The following DAB2IP variants were observed in gnomAD, a reference collection of about 807,000 sequenced individuals.
The protein encoded by DAB2IP is DAB2 interacting protein, also known as disabled homolog 2-interacting protein.
DAB2IP carries 28 observed loss-of-function variants against 107.2 expected under a neutral mutation model. The observed-to-expected ratio is 0.26, with a 90% confidence interval of 0.19 to 0.36. The LOEUF (loss-of-function observed/expected upper bound fraction) is 0.36, where lower values mean the gene tolerates loss of function less well. Ranked by LOEUF, DAB2IP falls within the 10% of genes least tolerant of loss-of-function variation. The pLI, the probability that DAB2IP is intolerant of heterozygous loss-of-function variation, is 1.00. For synonymous variants in DAB2IP, 755 were observed against 706.4 expected (o/e 1.07, Z -1.09); for missense variants, 1,400 against 1,644.7 (o/e 0.85, Z 2.57).
chr9:121,595,957 C>T (rs545276437), intron 1 of DAB2IP, among the ~76,000 whole-genome samples: 8 of 152,098 alleles, frequency 5.3e-5, no homozygotes, highest in East Asian at 1.9e-4. Flanking sequence ...GAGGCTGGGG[C>T]GGGAGGATCG....
At chr9:121,715,150 TTAGC>T (rs1415661422) in intron 3 of DAB2IP, among the ~76,000 whole-genome samples, 1 of 152,038 alleles carries the variant, frequency 6.6e-6, no homozygotes, top group Non-Finnish European at 1.5e-5. Context: ...GGGTGTCTCT[TTAGC>T]TAGGGTTAAG....
At chr9:121,613,285 AC>A (rs998833142) in intron 1 of DAB2IP, among the ~76,000 whole-genome samples, 9 of 151,930 alleles carry the variant, frequency 5.9e-5, no homozygotes, top group African/African-American at 1.9e-4. Flanking sequence ...GACCCACCTT[AC>A]CCCGACCTGA....
At chr9:121,612,712 A>C (rs965370206) in intron 1 of DAB2IP, among the ~76,000 whole-genome samples, 2 of 152,132 alleles carry the variant, frequency 1.3e-5, no homozygotes, top group African/African-American at 4.8e-5. Flanking sequence ...AAATTGGTGA[A>C]GTTGCTGTAG....
chr9:121,776,241 A>C lies in DAB2IP; in HGVS notation c.3164A>C (p.Lys1055Thr). The C allele has an allele frequency of 6.3e-7, 1 of 1,585,938 alleles. No individual in the cohort carries two copies. Among genetic ancestry groups the C allele is most frequent in the Admixed American group, 1.8e-5 (1 of 55,278 alleles). The change falls in exon 14 of 16, where the codon AAG (lysine) becomes ACG (threonine). Residue 1055 changes from lysine (K) to threonine (T), a missense_variant. Lys to Thr is a moderately conservative substitution (Grantham distance 78). Coordinates refer to ENST00000408936, the Ensembl canonical transcript of DAB2IP. The surrounding 1 kb of genome is among the most constrained non-coding windows in gnomAD (Gnocchi z 5.4). ...GACAAGCTGCGAATCTCCACCAAGA[A>C]GCTGGAGGAGTATGAGACCCTGTTC...
Position 121,678,801 on chromosome 9 carries a change from C to G in DAB2IP, c.228+20C>G. 6.5e-7 allele frequency: 1 copy of G among 1,539,670 alleles called. No individual in the cohort carries two copies. The highest frequency in any genetic ancestry group is 8.8e-7 in the Non-Finnish European group (1 of 1,137,006). On this transcript the variant is annotated intron_variant, in intron 2 of 15. Transcript: ENST00000408936. ...GTCACGGTAACTATCTCTGCGTCAC[C>G]AACACCGCCACTGCCACCACCATCA...
chr9:121,694,832 G>A (rs114499886), intron 2 of DAB2IP, among the ~76,000 whole-genome samples: 7,645 of 152,220 alleles, frequency 0.05, 409 homozygotes, highest in African/African-American at 0.13. Flanking sequence ...GAATGAGCTG[G>A]GGGGGTGGCA....
At chr9:121,661,223 C>T (rs937317822) in intron 1 of DAB2IP, among the ~76,000 whole-genome samples, 1 of 151,492 alleles carries the variant, frequency 6.6e-6, no homozygotes, top group Non-Finnish European at 1.5e-5. Flanking sequence ...GAGAAAGGTG[C>T]TGGAGCCTGC....
chr9:121,776,469 G>T lies in DAB2IP; in HGVS notation c.3314+78G>T. The stretch of plus-strand genomic sequence containing the variant: ...GCTGCCTTCGAGGAGGCCCCTGGTC[G>T]GGGAGCCTCCTCAAAGGATAAGCTG... On this transcript the variant is annotated intron_variant, in intron 14 of 15. Transcript: ENST00000408936. The surrounding 1 kb of genome is among the most constrained non-coding windows in gnomAD (Gnocchi z 5.4). 4 of 1,402,082 alleles carry T rather than the reference G, an allele frequency of 2.9e-6. No individual in the cohort carries two copies. Among genetic ancestry groups the T allele is most frequent in the Non-Finnish European group, 3.8e-6 (4 of 1,056,230 alleles). 86.9% of individuals were successfully genotyped at this position (1,402,082 alleles called of 1,614,324 possible).
chr9:121,755,018 C>T (rs200534966), intron 3 of DAB2IP, among the ~76,000 whole-genome samples: 3 of 152,210 alleles, frequency 2.0e-5, no homozygotes, highest in Non-Finnish European at 2.9e-5. Flanking sequence ...TCAGGCAGGG[C>T]GTCTCTTCCA....
chr9:121,775,999 T>TG (rs1835172968), intron 13 of DAB2IP, among the ~76,000 whole-genome samples, 199 bp from the exon 14 acceptor site: 1 of 152,060 alleles, frequency 6.6e-6, no homozygotes, highest in Non-Finnish European at 1.5e-5. Flanking sequence ...GGCCCCACGG[T>TG]GGGGCACAGG....
intron 14 of DAB2IP, among the ~76,000 whole-genome samples, chr9:121,779,801 C>T (rs1034593629): frequency 6.6e-6 from 1 of 152,216 alleles, no homozygotes; most frequent in African/African-American, 2.4e-5. Context: ...GTCAGAGACA[C>T]AAGGGGAACC....
At chr9:121,591,192 G>C (rs1003159528) in intron 1 of DAB2IP, among the ~76,000 whole-genome samples, 4 of 152,252 alleles carry the variant, frequency 2.6e-5, no homozygotes, top group African/African-American at 9.6e-5. Flanking sequence ...GCTAGGGCCA[G>C]GCATGGTAGC....
At chr9:121,713,788 G>T (rs2118787730) in intron 3 of DAB2IP, among the ~76,000 whole-genome samples, 1 of 152,238 alleles carries the variant, frequency 6.6e-6, no homozygotes, top group East Asian at 1.9e-4. Flanking sequence ...AAAAATCTTG[G>T]GTTATACCAT....
At chr9:121,610,786 A>G (rs1031438325) in intron 1 of DAB2IP, among the ~76,000 whole-genome samples, 1 of 152,114 alleles carries the variant, frequency 6.6e-6, no homozygotes, top group Non-Finnish European at 1.5e-5. Context: ...AGGCTCCATG[A>G]GAGGAAGGGC....
At position 121,608,731 on chromosome 9, in the gene DAB2IP, T is replaced by G. The variant is rs1830978186; in HGVS notation, c.40+41503T>G. On this transcript the variant is annotated intron_variant, in intron 1 of 16. Transcript: ENST00000259371. ...GCAATGATGTGCTAACTGGCTTTGCTGTAGGTATTACTTTATGGTGTTTGA... is the reference window on the plus strand; with the variant it reads ...GCAATGATGTGCTAACTGGCTTTGCGGTAGGTATTACTTTATGGTGTTTGA... 3.3e-5 allele frequency among the ~76,000 whole-genome samples: 5 copies of G among 152,348 alleles called. No individual in the cohort carries two copies. The South Asian group carries it at 1.0e-3, about 32-fold the overall frequency.
intron 12 of DAB2IP, 93 bp from the exon 13 acceptor site, chr9:121,774,167 G>A: frequency 7.3e-7 from 1 of 1,370,466 alleles, no homozygotes; most frequent in Non-Finnish European, 9.6e-7. Context: ...GTGTCCCAGA[G>A]TTGCTTGTCC....
chr9:121,776,387 A>G lies in DAB2IP; in HGVS notation c.3310A>G (p.Ser1104Gly). The G allele has an allele frequency of 6.5e-7, 1 of 1,538,620 alleles. No homozygotes were observed. The highest frequency in any genetic ancestry group is 8.8e-7 in the Non-Finnish European group (1 of 1,140,846). ...GGACATCCAGATGAAGGGCATCATC[A>G]GCAGGTGGGGCCCACACCTGCCTGG... Residue 1104 changes from serine to glycine, a missense_variant, in exon 14 of 16, where the codon AGC becomes GGC. Physicochemically the swap from Ser to Gly is moderately conservative, Grantham distance 56. Around this residue, in one of 3 missense-constraint regions of DAB2IP, gnomAD observed 600 missense variants for 659.1 expected, o/e 0.91. Coordinates refer to ENST00000408936, the Ensembl canonical transcript of DAB2IP. This position sits in a 1 kb window ranked among gnomAD's most constrained non-coding sequence, Gnocchi z 5.4.
chr9:121,697,349 T>C (rs1829476273), intron 2 of DAB2IP, among the ~76,000 whole-genome samples: 1 of 152,126 alleles, frequency 6.6e-6, no homozygotes, highest in Non-Finnish European at 1.5e-5. Flanking sequence ...CAAGAAAAGG[T>C]ACAAGCCCAT....
chr9:121,577,921 G>C (rs1247651515), intron 1 of DAB2IP, among the ~76,000 whole-genome samples: 1 of 152,126 alleles, frequency 6.6e-6, no homozygotes, highest in Admixed American at 6.6e-5. Flanking sequence ...GGTCCTTGGG[G>C]GCTGTCCCGG....
Sources: allele counts gnomAD v4.1 joint callset (sites outside exome capture counted in the v4.1 genomes callset), GRCh38; gene constraint gnomAD v4.1.1; regional missense constraint gnomAD v4.1.1; non-coding constraint Gnocchi (gnomAD v3.1); transcripts MANE v1.5; gene names NCBI Gene and HGNC (gene_info 2026-07-23, HGNC 2026-07-21).